ATP8A2: variants seen among roughly 807,000 people sequenced by gnomAD.
ATP8A2 encodes ATPase phospholipid transporting 8A2, also known as phospholipid-transporting ATPase IB.
ATP8A2 carries 100 observed loss-of-function variants against 165.6 expected under a neutral mutation model. The ratio of observed to expected loss-of-function variants is 0.60; its 90% CI spans 0.51 to 0.71. ATP8A2 has a LOEUF of 0.71. Ranked by LOEUF, ATP8A2 falls within the 30% of genes least tolerant of loss-of-function variation. ATP8A2 has a pLI of 0.00. For missense variants in ATP8A2, 1,227 were observed against 1,479.5 expected, an observed-to-expected ratio of 0.83 and a Z score of 2.80; for synonymous variants, 543 against 548.8, an observed-to-expected ratio of 0.99 and a Z score of 0.15.
intron 24 of ATP8A2, among the ~76,000 whole-genome samples, chr13:25,655,857 G>A (rs76561030): frequency 0.034 from 5,239 of 152,256 alleles, 154 homozygotes; most frequent in East Asian, 0.13. Context: ...CGTACCTTAT[G>A]TGGTTTTAGA....
At chr13:25,538,983 T>G (rs1390453738) in intron 7 of ATP8A2, among the ~76,000 whole-genome samples, 1 of 152,060 alleles carries the variant, frequency 6.6e-6, no homozygotes, top group Non-Finnish European at 1.5e-5. Context: ...AAGAAACCGT[T>G]AGAAATATTA....
intron 24 of ATP8A2, among the ~76,000 whole-genome samples, chr13:25,648,736 A>G (rs1275354670): frequency 6.6e-6 from 1 of 152,258 alleles, no homozygotes. Context: ...CATAGACTTT[A>G]AATAATCTCT....
intron 25 of ATP8A2, among the ~76,000 whole-genome samples, chr13:25,734,971 G>A (rs894732634): frequency 3.3e-5 from 5 of 152,054 alleles, no homozygotes; most frequent in East Asian, 1.9e-4. Flanking sequence ...TGAGACCAAG[G>A]CACAATGGTG....
chr13:25,452,464 T>C (rs1429288010), intron 1 of ATP8A2, among the ~76,000 whole-genome samples: 2 of 152,228 alleles, frequency 1.3e-5, no homozygotes, highest in Non-Finnish European at 2.9e-5. Context: ...GGCTGTGATA[T>C]TTTTGTGTAA....
At chr13:25,917,902 G>T (rs1230272255) in intron 33 of ATP8A2, among the ~76,000 whole-genome samples, 1 of 152,166 alleles carries the variant, frequency 6.6e-6, no homozygotes, top group African/African-American at 2.4e-5. Flanking sequence ...GACTGCAGAA[G>T]TTGTAAAACC....
intron 1 of ATP8A2, among the ~76,000 whole-genome samples, chr13:25,407,696 A>G (rs1338721390): frequency 6.6e-6 from 1 of 152,222 alleles, no homozygotes; most frequent in African/African-American, 2.4e-5. Flanking sequence ...TGAGGAAACA[A>G]TGGAAAGACC....
At chr13:25,818,717 T>G (rs1220011103) in intron 27 of ATP8A2, among the ~76,000 whole-genome samples, 1 of 152,226 alleles carries the variant, frequency 6.6e-6, no homozygotes, top group Non-Finnish European at 1.5e-5. Flanking sequence ...TAACATGCTC[T>G]TTTAGTGAGC....
At chr13:25,727,129 G>A (rs1234133670) in intron 25 of ATP8A2, among the ~76,000 whole-genome samples, 1 of 152,156 alleles carries the variant, frequency 6.6e-6, no homozygotes, top group Non-Finnish European at 1.5e-5. Context: ...ACATCTCAGG[G>A]TGTGTTTTTT....
intron 27 of ATP8A2, among the ~76,000 whole-genome samples, chr13:25,797,140 C>A (rs775999345): frequency 7.7e-4 from 117 of 152,044 alleles, no homozygotes; most frequent in Non-Finnish European, 1.6e-3. Context: ...TGGTGGCACA[C>A]ACCTGTAATC....
At chr13:25,838,850 A>G (rs1951689182) in intron 29 of ATP8A2, among the ~76,000 whole-genome samples, 1 of 152,220 alleles carries the variant, frequency 6.6e-6, no homozygotes, top group Non-Finnish European at 1.5e-5. Flanking sequence ...GTGATTTCTA[A>G]TAGTTAATAA....
intron 24 of ATP8A2, among the ~76,000 whole-genome samples, chr13:25,631,136 G>T (rs1307988551): frequency 1.3e-5 from 2 of 152,158 alleles, no homozygotes; most frequent in African/African-American, 4.8e-5. Context: ...GCAATGTTAA[G>T]TAAGAAAAAA....
intron 33 of ATP8A2, among the ~76,000 whole-genome samples, chr13:25,909,920 A>G (rs1954052395): frequency 1.3e-5 from 2 of 152,082 alleles, no homozygotes; most frequent in Non-Finnish European, 2.9e-5. Context: ...TGTCTGGCTC[A>G]TTTCACTGAC....
At chr13:25,841,272 T>C (rs903798032) in intron 30 of ATP8A2, among the ~76,000 whole-genome samples, 1 of 152,260 alleles carries the variant, frequency 6.6e-6, no homozygotes, top group African/African-American at 2.4e-5. Context: ...AAATGAATTT[T>C]AAATTAGTGC....
chr13:25,399,229 G>A (rs1285349135), intron 1 of ATP8A2, among the ~76,000 whole-genome samples: 1 of 152,020 alleles, frequency 6.6e-6, no homozygotes, highest in Admixed American at 6.6e-5. Context: ...TAACATGCAG[G>A]TGGCTGTTTC....
chr13:25,644,257 G>A (rs2041612863), intron 24 of ATP8A2, among the ~76,000 whole-genome samples: 2 of 152,000 alleles, frequency 1.3e-5, no homozygotes, highest in Non-Finnish European at 2.9e-5. Flanking sequence ...CTCTGGCAAG[G>A]AATCCAACAT....
chr13:25,419,952 G>C (rs188012604), intron 1 of ATP8A2, among the ~76,000 whole-genome samples: 1 of 152,166 alleles, frequency 6.6e-6, no homozygotes, highest in Admixed American at 6.5e-5. Context: ...GAAAGGAACA[G>C]AGAATTGAGG....
At chr13:25,490,650 A>G (rs2036497678) in intron 2 of ATP8A2, among the ~76,000 whole-genome samples, 1 of 152,224 alleles carries the variant, frequency 6.6e-6, no homozygotes, top group African/African-American at 2.4e-5. Context: ...TACCAGCAGT[A>G]ACATTCTCCT....
At chr13:25,961,358 T>C (rs1303118039) in intron 33 of ATP8A2, among the ~76,000 whole-genome samples, 1 of 152,110 alleles carries the variant, frequency 6.6e-6, no homozygotes. Context: ...AGGGCACACG[T>C]CAAACTAGAA....
At position 25,742,665 on chromosome 13, in the gene ATP8A2, C is replaced by T. The variant is rs1012503830; in HGVS notation, c.2385-26381C>T. On this transcript the variant is annotated intron_variant, in intron 25 of 36. Coordinates refer to ENST00000381655, the MANE Select transcript of ATP8A2 (RefSeq NM_016529.6). ...CACCCCACTCCACTTTTCTCTCTCT[C>T]TCTCTCTCTCTCTGTCTTTTTTTTT... Among the ~76,000 whole-genome samples the T allele has an allele frequency of 3.5e-5, 5 of 142,702 alleles. No homozygotes were observed. The Admixed American group carries it at 3.6e-4, about 10-fold the overall frequency. The allele number at this position is 142,702 out of a possible 152,430, so 93.6% of individuals were successfully genotyped here. A position where few individuals can be genotyped will look rare whatever the true frequency, so the allele number is the denominator to read the frequency against.
Sources: gnomAD v4.1 joint callset for allele counts (sites outside exome capture counted in the v4.1 genomes callset) on GRCh38, gnomAD v4.1.1 for gene constraint, MANE v1.5 for transcripts, NCBI Gene and HGNC (gene_info 2026-07-23, HGNC 2026-07-21) for gene names.